FAT1: variants seen among roughly 807,000 people sequenced by gnomAD.
FAT1 encodes the protein FAT atypical cadherin 1.
In FAT1, 171 loss-of-function variants were observed where a neutral mutation model predicts 329.8. The observed-to-expected ratio is 0.52, with a 90% confidence interval of 0.46 to 0.59. The LOEUF (loss-of-function observed/expected upper bound fraction) is 0.59. Among genes scored for constraint, FAT1 ranks in the 20% least tolerant of loss-of-function variants. The probability of loss-of-function intolerance (pLI) is 0.00; values close to 1 mark genes in which losing one functional copy is unlikely to be tolerated. For missense variants in FAT1, 5,672 were observed against 5,774.4 expected (o/e 0.98, Z 0.57); for synonymous variants, 2,233 against 2,228.6 (o/e 1.00, Z -0.06).
chr4:186,688,662 CAAAAAA>C (rs1407601234), intron 2 of FAT1, among the ~76,000 whole-genome samples: 1 of 131,936 alleles, frequency 7.6e-6, no homozygotes, highest in Non-Finnish European at 1.6e-5. Context: ...CGCCCCCCCC[CAAAAAA>C]ACACACACCC....
intron 8 of FAT1, 40 bp downstream of exon 8, chr4:186,628,448 C>T (rs1740429668): frequency 6.2e-7 from 1 of 1,612,442 alleles, no homozygotes; most frequent in African/African-American, 1.3e-5. Flanking sequence ...ACAAAGGCCT[C>T]AGGACCAAAT....
chr4:186,646,684 C>T (rs1741400974), intron 3 of FAT1, among the ~76,000 whole-genome samples: 1 of 151,110 alleles, frequency 6.6e-6, no homozygotes, highest in Admixed American at 6.6e-5. Context: ...AAATATTTAT[C>T]TAAATCCAAA....
At chr4:186,631,913 T>C (rs1740619414) in intron 7 of FAT1, among the ~76,000 whole-genome samples, 1 of 150,600 alleles carries the variant, frequency 6.6e-6, no homozygotes, top group Non-Finnish European at 1.5e-5. Context: ...AATTCATATT[T>C]CCAGGTTCTC....
chr4:186,598,123 A>T lies in FAT1; in HGVS notation c.12106T>A (p.Tyr4036Asn), dbSNP rs2126403587. Residue 4036 changes from tyrosine to asparagine, a missense_variant and splice_region_variant, in exon 23 of 27, where the codon TAT becomes AAT. By Grantham distance (143) the Tyr-to-Asn change is moderately radical (BLOSUM62 -2). Transcript: ENST00000441802. ...TACAAGGCACTGCATTTGCAGTAATAACCTAAATCGGCAAAAAGGAACAAA... is the reference window on the plus strand; with the variant it reads ...TACAAGGCACTGCATTTGCAGTAATTACCTAAATCGGCAAAAAGGAACAAA... ...GVCNPSPAGGYYCKCSALYIG... is the reference protein window; with the variant it reads ...GVCNPSPAGGNYCKCSALYIG... 1 of 1,597,876 alleles carries T rather than the reference A, an allele frequency of 6.3e-7. No individual in the cohort carries two copies.
intron 2 of FAT1, among the ~76,000 whole-genome samples, chr4:186,699,121 C>A (rs1400414897): frequency 6.6e-6 from 1 of 152,038 alleles, no homozygotes; most frequent in African/African-American, 2.4e-5. Flanking sequence ...GGCCTGTACA[C>A]GGCAAGTACT....
In FAT1 at chr4:186,655,440, A is replaced by AT. The variant is rs11318097; in HGVS notation, c.3580+7858dup. ...GTTCATCAGTAACCACAATAAGGTGATTTTTTTTTTTTTTGAGATGCAATC... is the reference window on the plus strand; with the variant it reads ...GTTCATCAGTAACCACAATAAGGTGATTTTTTTTTTTTTTTGAGATGCAATC... On this transcript the variant is annotated intron_variant, in intron 3 of 26. Coordinates refer to ENST00000441802, the MANE Select transcript of FAT1 (RefSeq NM_005245.4). Among the ~76,000 whole-genome samples, 378 of 146,740 alleles carry AT rather than the reference A, an allele frequency of 2.6e-3. 2 individuals are homozygous for AT. Among genetic ancestry groups the AT allele is most frequent in the East Asian group, 0.011 (57 of 5,004 alleles).
chr4:186,611,799 A>T (rs2126470687), intron 13 of FAT1, 24 bp from the exon 14 acceptor site: 3 of 1,505,656 alleles, frequency 2.0e-6, no homozygotes, highest in Non-Finnish European at 2.7e-6. Flanking sequence ...AAAACATGTC[A>T]AAAGATTTTA....
chr4:186,689,269 T>G (rs1743634091), intron 2 of FAT1, among the ~76,000 whole-genome samples: 1 of 152,216 alleles, frequency 6.6e-6, no homozygotes, highest in Non-Finnish European at 1.5e-5. Flanking sequence ...CAAATTAGAA[T>G]TATGCTACAA....
intron 16 of FAT1, among the ~76,000 whole-genome samples, chr4:186,607,118 A>G (rs1739180427): frequency 6.6e-6 from 1 of 152,214 alleles, no homozygotes; most frequent in Admixed American, 6.5e-5. Context: ...TCAAAGGAGA[A>G]ATTAAAGAAT....
intron 2 of FAT1, among the ~76,000 whole-genome samples, chr4:186,686,852 T>A (rs904129682): frequency 6.6e-6 from 1 of 152,206 alleles, no homozygotes; most frequent in African/African-American, 2.4e-5. Context: ...ATAGGGATAC[T>A]TGGGAAGGAA....
Position 186,603,671 on chromosome 4 carries a change from C to T in FAT1, c.10855G>A (p.Gly3619Arg), listed in dbSNP as rs774123863. ...ATGTCGGCCACCGTCGTGAACTTCC[C>T]ATCTGTTACGCTGACATTGAGAAGG... ...QYLLNVSVTD[G>R]KFTTVADITV... The change falls in exon 19 of 27, where the codon GGG (glycine) becomes AGG (arginine). Residue 3619 changes from glycine to arginine, a missense_variant. By Grantham distance (125) the Gly-to-Arg change is moderately radical. Coordinates refer to ENST00000441802, the MANE Select transcript of FAT1 (RefSeq NM_005245.4). The T allele has an allele frequency of 6.2e-7, 1 of 1,613,982 alleles. No homozygotes were observed.
chr4:186,657,787 AATT>A (rs1741974182), intron 3 of FAT1, among the ~76,000 whole-genome samples: 1 of 152,242 alleles, frequency 6.6e-6, no homozygotes, highest in Non-Finnish European at 1.5e-5. Flanking sequence ...AACACTTCAA[AATT>A]ATTAATAAAT....
chr4:186,618,521 C>A lies in FAT1; in HGVS notation c.8065G>T (p.Val2689Phe), dbSNP rs2126496261. The change falls in exon 10 of 27, where the codon GTC (valine) becomes TTC (phenylalanine). Residue 2689 changes from valine to phenylalanine, a missense_variant. This residue lies in a region of FAT1 where 3,966 missense variants were observed against 3,915.2 expected (regional missense o/e 1.01). Transcript: ENST00000441802. ...TCCGGTGGAAGGATTTTAACATAGACAAGAACAACAGATTCTTTTGATGGA... is the reference window on the plus strand; with the variant it reads ...TCCGGTGGAAGGATTTTAACATAGAAAAGAACAACAGATTCTTTTGATGGA... ...GSPSKESVVL[V>F]YVKILPPEMQ... 1 of 1,614,010 alleles carries A rather than the reference C, an allele frequency of 6.2e-7. No homozygotes were observed.
intron 15 of FAT1, 104 bp from the exon 16 acceptor site, chr4:186,609,424 G>GTTTT: frequency 8.5e-7 from 1 of 1,182,540 alleles, no homozygotes; most frequent in Non-Finnish European, 1.1e-6. Context: ...TTTTGTTGTT[G>GTTTT]TTTTTTTTTT....
intron 2 of FAT1, among the ~76,000 whole-genome samples, chr4:186,693,952 T>A (rs1743912122): frequency 6.7e-6 from 1 of 149,874 alleles, no homozygotes; most frequent in Non-Finnish European, 1.5e-5. Flanking sequence ...CCAACCACCA[T>A]CTCCCCACTC....
At position 186,695,835 on chromosome 4, in the gene FAT1, AGGCTGAAGGGCAGTGGCAC is replaced by A. The variant is rs2126667176; in HGVS notation, c.3265+10709_3265+10727del. ...AGACGGAGTTTCACTCTTGTCCCCCAGGCTGAAGGGCAGTGGCACAATCTCGACTCACTGCAACCTCCAG... is the reference window on the plus strand; with the variant it reads ...AGACGGAGTTTCACTCTTGTCCCCCAAATCTCGACTCACTGCAACCTCCAG... On this transcript the variant is annotated intron_variant, in intron 2 of 26. Coordinates refer to ENST00000441802, the MANE Select transcript of FAT1 (RefSeq NM_005245.4). Among the ~76,000 whole-genome samples the A allele has an allele frequency of 2.0e-5, 3 of 151,158 alleles. No individual in the cohort carries two copies. The South Asian group carries it at 6.3e-4, about 32-fold the overall frequency.
intron 5 of FAT1, 76 bp from the exon 6 acceptor site, chr4:186,636,311 G>T: frequency 1.5e-6 from 2 of 1,379,016 alleles, no homozygotes; most frequent in South Asian, 1.2e-5. Flanking sequence ...AGCACAGACT[G>T]GTTTGGTCTT....
chr4:186,615,204 A>C (rs1366091515), intron 11 of FAT1, among the ~76,000 whole-genome samples: 5 of 152,080 alleles, frequency 3.3e-5, no homozygotes, highest in Admixed American at 6.6e-5. Flanking sequence ...AAAACAACCA[A>C]AGACAGTTGC....
In FAT1 at chr4:186,620,153, T is replaced by C. The variant is rs1241785390; in HGVS notation, c.6433A>G (p.Thr2145Ala). The C allele has an allele frequency of 4.3e-6, 7 of 1,614,016 alleles. No homozygotes were observed. The highest frequency in any genetic ancestry group is 1.6e-4 in the Middle Eastern group (1 of 6,062). ...GTAACAAGATATTCTTTATTTAAGG[T>C]GTCAAGCTCAAATTGCTTTTTCAGT... The part of the protein sequence containing the change: ...ISLKKQFELD[T>A]LNKEYLVTVV... The change falls in exon 10 of 27, where the codon ACC becomes GCC. Residue 2145 changes from threonine to alanine, a missense_variant. Thr to Ala is a moderately conservative substitution (Grantham distance 58). Transcript: ENST00000441802.
Sources: gnomAD v4.1 joint callset for allele counts (sites outside exome capture counted in the v4.1 genomes callset) on GRCh38, gnomAD v4.1.1 for gene constraint, gnomAD v4.1.1 regional missense constraint, MANE v1.5 for transcripts, NCBI Gene and HGNC (gene_info 2026-07-23, HGNC 2026-07-21) for gene names.